DNAAF9: variants seen among roughly 807,000 people sequenced by gnomAD.
DNAAF9 encodes dynein axonemal assembly factor 9, also known as shulin.
Under a neutral mutation model 167.0 loss-of-function variants are expected in DNAAF9, and 90 were observed. That is an observed-to-expected ratio of 0.54 (90% confidence interval 0.45 to 0.64). DNAAF9 has a LOEUF of 0.64. DNAAF9 is among the 30% of genes least tolerant of loss of function. The pLI is 0.00. For missense variants in DNAAF9, 1,315 were observed against 1,442.2 expected, an observed-to-expected ratio of 0.91 and a Z score of 1.43; for synonymous variants, 491 against 508.8, an observed-to-expected ratio of 0.96 and a Z score of 0.47.
intron 11 of DNAAF9, 73 bp downstream of exon 11, chr20:3,332,207 A>T: frequency 1.2e-6 from 1 of 809,580 alleles, no homozygotes; most frequent in South Asian, 1.5e-5. Flanking sequence ...AGTGAATTGT[A>T]TGTCAACTTC....
intron 7 of DNAAF9, among the ~76,000 whole-genome samples, chr20:3,354,735 C>T (rs565974736): frequency 2.0e-5 from 3 of 152,312 alleles, no homozygotes; most frequent in Admixed American, 2.0e-4. Context: ...GAGTTGTCAC[C>T]TTACTTTATT....
In DNAAF9 at chr20:3,252,511, G is replaced by T. The variant is rs2122714537; in HGVS notation, c.*61C>A. 1.1e-6 allele frequency: 1 copy of T among 912,280 alleles called. No individual in the cohort carries two copies. The highest frequency in any genetic ancestry group is 1.8e-6 in the Non-Finnish European group (1 of 542,818). The allele number at this position is 912,280 out of a possible 1,614,324, so 56.5% of individuals were successfully genotyped here. On this transcript the variant is annotated 3_prime_UTR_variant, in exon 37 of 37. Coordinates refer to ENST00000252032, the MANE Select transcript of DNAAF9 (RefSeq NM_001009984.3). Reference sequence around the variant, plus strand: ...AGGCCTCCAGCAGAGCTGAGGTTAAGACACCCGTTCGTCCATCTCCAAGGT... The same window carrying T: ...AGGCCTCCAGCAGAGCTGAGGTTAATACACCCGTTCGTCCATCTCCAAGGT...
At chr20:3,282,925 C>T (rs2068786936) in intron 27 of DNAAF9, among the ~76,000 whole-genome samples, 1 of 152,206 alleles carries the variant, frequency 6.6e-6, no homozygotes, top group Non-Finnish European at 1.5e-5. Context: ...ACCTCCTCCT[C>T]CAAGTTTCTT....
chr20:3,263,647 G>A lies in DNAAF9; in HGVS notation c.2873+791C>T, dbSNP rs141497987. Among the ~76,000 whole-genome samples, 478 of 152,274 alleles carry A rather than the reference G, an allele frequency of 3.1e-3. 4 individuals are homozygous for A. The highest frequency in any genetic ancestry group is 0.011 in the African/African-American group (443 of 41,554). On this transcript the variant is annotated intron_variant, in intron 31 of 36. Coordinates refer to ENST00000252032, the MANE Select transcript of DNAAF9 (RefSeq NM_001009984.3). The stretch of plus-strand genomic sequence containing the variant: ...TCCACTTCACAGGATTGGTGTAAAT[G>A]AGACAACACAAACAAAGCTCTCACA...
At chr20:3,388,140 T>C (rs1001516033) in intron 1 of DNAAF9, among the ~76,000 whole-genome samples, 1 of 150,658 alleles carries the variant, frequency 6.6e-6, no homozygotes, top group Non-Finnish European at 1.5e-5. Flanking sequence ...GCCAAGCACA[T>C]GAAAAGAAAC....
intron 20 of DNAAF9, among the ~76,000 whole-genome samples, chr20:3,310,740 A>G (rs925510650): frequency 5.9e-5 from 9 of 152,094 alleles, no homozygotes; most frequent in Non-Finnish European, 7.4e-5. Flanking sequence ...TAAAAGAAAC[A>G]TGAGCAAAAA....
intron 29 of DNAAF9, among the ~76,000 whole-genome samples, chr20:3,272,568 T>A (rs1428363829): frequency 6.6e-6 from 1 of 152,202 alleles, no homozygotes; most frequent in Non-Finnish European, 1.5e-5. Context: ...CACTTTTATA[T>A]CTTTAAAGAG....
intron 6 of DNAAF9, among the ~76,000 whole-genome samples, chr20:3,370,903 C>T (rs2083498425): frequency 1.3e-5 from 2 of 152,122 alleles, no homozygotes; most frequent in South Asian, 2.1e-4. Flanking sequence ...GTGGAGGTGG[C>T]ATCTGCAAAT....
At position 3,278,925 on chromosome 20, in the gene DNAAF9, G is replaced by C. The variant is rs746216139; in HGVS notation, c.2637C>G (p.Asp879Glu). The C allele has an allele frequency of 1.2e-6, 2 of 1,602,304 alleles. No homozygotes were observed. The highest frequency in any genetic ancestry group is 2.2e-5 in the South Asian group (2 of 90,660). ...EHRFLFPKCL[D>E]QCSQGLVSNV... The stretch of plus-strand genomic sequence containing the variant: ...TATATTACTTACCTTGTGAACACTG[G>C]TCAAGACATTTAGGAAAGAGAAATC... Residue 879 changes from aspartate (D) to glutamate (E), a missense_variant, in exon 29 of 37, where the codon GAC (aspartate) becomes GAG (glutamate). Coordinates refer to ENST00000252032, the MANE Select transcript of DNAAF9 (RefSeq NM_001009984.3).
chr20:3,310,449 C>T (rs2069394286), intron 20 of DNAAF9, among the ~76,000 whole-genome samples: 1 of 151,968 alleles, frequency 6.6e-6, no homozygotes, highest in African/African-American at 2.4e-5. Flanking sequence ...CTTTGAGAGG[C>T]CGAGGTGGGC....
intron 24 of DNAAF9, 113 bp downstream of exon 24, chr20:3,294,415 A>T: frequency 1.2e-6 from 1 of 814,156 alleles, no homozygotes; most frequent in Non-Finnish European, 2.1e-6. Context: ...GCGACATTTT[A>T]CAGTGATCTC....
intron 3 of DNAAF9, among the ~76,000 whole-genome samples, chr20:3,376,646 T>C (rs1333240709): frequency 6.6e-6 from 1 of 152,186 alleles, no homozygotes; most frequent in African/African-American, 2.4e-5. Flanking sequence ...ACATGTAAAG[T>C]GTACATTTGG....
In DNAAF9 at chr20:3,370,617, C is replaced by T. The variant is rs558321932; in HGVS notation, c.612+3431G>A. ...TAGAGACGGGGTTTCACCATGTTGG[C>T]CAGGACGGTCCCGATCTCTTGACCT... On this transcript the variant is annotated intron_variant, in intron 6 of 36. Transcript: ENST00000252032. 7.9e-5 allele frequency among the ~76,000 whole-genome samples: 12 copies of T among 152,176 alleles called. No homozygotes were observed. In the South Asian group the frequency reaches 2.5e-3, roughly 32 times the overall value.
rs869291982 is a variant in DNAAF9 at position 3,292,002 on chromosome 20, C to CTTTT, written c.2239-1789_2239-1786dup. Among the ~76,000 whole-genome samples, 14 of 143,910 alleles carry CTTTT rather than the reference C, an allele frequency of 9.7e-5. No homozygotes were observed. In the South Asian group the frequency reaches 2.5e-3, roughly 25 times the overall value. The allele number at this position is 143,910 out of a possible 152,430, so 94.4% of individuals were successfully genotyped here. A position where few individuals can be genotyped will look rare whatever the true frequency, so the allele number is the denominator to read the frequency against. ...TACTTTAAGGCCAATCCAAGAGCAC[C>CTTTT]TTTTTTTTTTTTTTGAGATGGAGTC... On this transcript the variant is annotated intron_variant, in intron 25 of 36. Coordinates refer to ENST00000252032, the MANE Select transcript of DNAAF9 (RefSeq NM_001009984.3).
chr20:3,383,852 G>A (rs558543427), intron 1 of DNAAF9, among the ~76,000 whole-genome samples: 1 of 148,252 alleles, frequency 6.7e-6, no homozygotes, highest in African/African-American at 2.5e-5. Flanking sequence ...AGGCTGGAGT[G>A]CAGTGGCACA....
intron 4 of DNAAF9, among the ~76,000 whole-genome samples, chr20:3,375,492 C>T (rs975390420): frequency 3.3e-5 from 5 of 152,020 alleles, no homozygotes; most frequent in Admixed American, 2.0e-4. Context: ...AGTCAAACCC[C>T]TGAAAAGGGC....
chr20:3,318,513 A>C (rs2069550986), intron 16 of DNAAF9, 113 bp from the exon 17 acceptor site: 1 of 612,338 alleles, frequency 1.6e-6, no homozygotes, highest in Admixed American at 2.8e-5. Context: ...AGAGTACTGA[A>C]GAGTTTCTAG....
intron 27 of DNAAF9, among the ~76,000 whole-genome samples, chr20:3,284,775 T>C (rs2068822547): frequency 6.6e-6 from 1 of 152,232 alleles, no homozygotes; most frequent in Non-Finnish European, 1.5e-5. Context: ...AATGATTTTA[T>C]AATATTCCAG....
chr20:3,368,504 C>T (rs558400570), intron 6 of DNAAF9, among the ~76,000 whole-genome samples: 105 of 143,028 alleles, frequency 7.3e-4, no homozygotes, highest in Non-Finnish European at 1.3e-3. Context: ...TACTGACCAA[C>T]TTCCTGGAAG....
Sources: allele counts gnomAD v4.1 joint callset (sites outside exome capture counted in the v4.1 genomes callset), GRCh38; gene constraint gnomAD v4.1.1; transcripts MANE v1.5; gene names NCBI Gene and HGNC (gene_info 2026-07-23, HGNC 2026-07-21).